The following FOXP1 variants were observed in gnomAD, a reference collection of about 807,000 sequenced individuals.
The protein encoded by FOXP1 is forkhead box P1, also known as forkhead box protein P1.
FOXP1 carries 15 observed loss-of-function variants against 98.2 expected under a neutral mutation model. That is an observed-to-expected ratio of 0.15 (90% confidence interval 0.10 to 0.24). The LOEUF (loss-of-function observed/expected upper bound fraction) is 0.24. Ranked by LOEUF, FOXP1 falls within the 10% of genes least tolerant of loss-of-function variation. The pLI is 1.00. For synonymous variants in FOXP1, 371 were observed against 314.5 expected (o/e 1.18, Z -1.90); for missense variants, 633 against 848.5 (o/e 0.75, Z 3.15).
At chr3:71,195,470 G>A (rs2063240198) in intron 6 of FOXP1, among the ~76,000 whole-genome samples, 1 of 152,148 alleles carries the variant, frequency 6.6e-6, no homozygotes. Context: ...ATAACACACA[G>A]CGTAATTAAC....
chr3:71,280,221 G>A (rs1348048979), intron 5 of FOXP1, among the ~76,000 whole-genome samples: 2 of 150,646 alleles, frequency 1.3e-5, no homozygotes, highest in Non-Finnish European at 2.9e-5. Flanking sequence ...TGAAGTGAAT[G>A]AATCAATTTT....
intron 11 of FOXP1, among the ~76,000 whole-genome samples, chr3:71,036,780 TA>T (rs2047656094): frequency 6.6e-6 from 1 of 152,224 alleles, no homozygotes; most frequent in South Asian, 2.1e-4. Flanking sequence ...AAAGGCCTGG[TA>T]AATATGAATA....
At chr3:71,001,381 G>A (rs1411890619) in intron 12 of FOXP1, among the ~76,000 whole-genome samples, 1 of 152,198 alleles carries the variant, frequency 6.6e-6, no homozygotes, top group African/African-American at 2.4e-5. Flanking sequence ...ATCAGAGACA[G>A]GGCCTGCTAG....
rs868613840 is a variant in FOXP1, at chr3:71,479,709, G to C, written c.-168+13717C>G. 1.4e-4 allele frequency among the ~76,000 whole-genome samples: 20 copies of C among 145,910 alleles called. No homozygotes were observed. The Middle Eastern group carries it at 0.025, about 181-fold the overall frequency. ...AAAAAAAAAAGAAAAGAAAAGAAAA[G>C]AAAAAAAAAGATAAAGCAAAAGACC... On this transcript the variant is annotated intron_variant, in intron 3 of 20. Coordinates refer to ENST00000649528, the MANE Select transcript of FOXP1 (RefSeq NM_001349338.3).
intron 4 of FOXP1, among the ~76,000 whole-genome samples, chr3:71,304,183 C>T (rs933981851): frequency 2.0e-5 from 3 of 152,160 alleles, no homozygotes; most frequent in African/African-American, 4.8e-5. Flanking sequence ...AAACCCCAGT[C>T]GATGCTTGCC....
At chr3:70,971,304 A>G (rs2036183608) in intron 18 of FOXP1, 1 of 189,066 alleles carries the variant, frequency 5.3e-6, no homozygotes, top group South Asian at 1.1e-4. Flanking sequence ...TATTGCCAAC[A>G]GGCGATGGAG....
At chr3:71,195,159 G>A (rs889312228) in intron 6 of FOXP1, among the ~76,000 whole-genome samples, 1 of 152,134 alleles carries the variant, frequency 6.6e-6, no homozygotes, top group Non-Finnish European at 1.5e-5. Context: ...AGCCAGATTT[G>A]CCCCATTTCT....
chr3:71,236,039 TAATC>T (rs1371625802), intron 5 of FOXP1, among the ~76,000 whole-genome samples: 20 of 152,136 alleles, frequency 1.3e-4, no homozygotes, highest in Non-Finnish European at 2.9e-4. Context: ...TTCTTGCAAA[TAATC>T]AAAGCCCAGG....
chr3:71,472,376 G>C (rs895580170), intron 3 of FOXP1, among the ~76,000 whole-genome samples: 4 of 151,192 alleles, frequency 2.6e-5, no homozygotes, highest in African/African-American at 9.7e-5. Flanking sequence ...ACCAAAAAAT[G>C]AAAAATCTTA....
chr3:71,321,255 G>A (rs1474676033), intron 4 of FOXP1, among the ~76,000 whole-genome samples: 2 of 152,126 alleles, frequency 1.3e-5, no homozygotes, highest in South Asian at 2.1e-4. Context: ...ATGATATCAC[G>A]CTTCCCACTT....
At chr3:71,314,022 C>T (rs1179628816) in intron 4 of FOXP1, among the ~76,000 whole-genome samples, 28 of 152,162 alleles carry the variant, frequency 1.8e-4, no homozygotes, top group Non-Finnish European at 1.2e-4. Flanking sequence ...CTCTGTCCCT[C>T]AGTGTTCTCA....
chr3:71,125,758 A>G (rs1460699755), intron 6 of FOXP1, among the ~76,000 whole-genome samples: 1 of 152,230 alleles, frequency 6.6e-6, no homozygotes, highest in Non-Finnish European at 1.5e-5. Flanking sequence ...ACCCTGAGAG[A>G]ATAACAGAAA....
chr3:71,150,367 A>G (rs770048617), intron 6 of FOXP1, among the ~76,000 whole-genome samples: 38 of 152,356 alleles, frequency 2.5e-4, no homozygotes, highest in Non-Finnish European at 4.4e-4. Flanking sequence ...ATATGCATTT[A>G]GAAAGGCAGT....
intron 13 of FOXP1, among the ~76,000 whole-genome samples, chr3:70,989,628 TACTC>T (rs1312337459): frequency 6.6e-6 from 1 of 152,194 alleles, no homozygotes; most frequent in Non-Finnish European, 1.5e-5. Context: ...TGATGTCAAA[TACTC>T]AGACTTTTTA....
At chr3:71,395,272 G>A (rs1298490827) in intron 3 of FOXP1, among the ~76,000 whole-genome samples, 1 of 150,518 alleles carries the variant, frequency 6.6e-6, no homozygotes, top group African/African-American at 2.5e-5. Context: ...AATAAAGCTC[G>A]GCGTCTTGCG....
intron 7 of FOXP1, among the ~76,000 whole-genome samples, chr3:71,111,460 C>T (rs1008953201): frequency 5.3e-5 from 8 of 152,118 alleles, no homozygotes; most frequent in South Asian, 2.1e-4. Context: ...CACAGTGGTG[C>T]GAGCTTGGCT....
chr3:71,316,184 A>C (rs1178246131), intron 4 of FOXP1, among the ~76,000 whole-genome samples: 1 of 152,204 alleles, frequency 6.6e-6, no homozygotes, highest in South Asian at 2.1e-4. Flanking sequence ...TAATTGCTAC[A>C]GACGGGTCGC....
intron 3 of FOXP1, among the ~76,000 whole-genome samples, chr3:71,438,639 C>G (rs957084487): frequency 6.6e-6 from 1 of 152,012 alleles, no homozygotes; most frequent in African/African-American, 2.4e-5. Flanking sequence ...ATTTATACCC[C>G]CCAGCAGTTG....
chr3:71,191,940 G>C (rs1029804672), intron 6 of FOXP1, among the ~76,000 whole-genome samples: 2 of 152,190 alleles, frequency 1.3e-5, no homozygotes, highest in African/African-American at 4.8e-5. Flanking sequence ...TTCAATAAAA[G>C]TGTATCTCAG....
Sources: allele counts gnomAD v4.1 joint callset (sites outside exome capture counted in the v4.1 genomes callset), GRCh38; gene constraint gnomAD v4.1.1; transcripts MANE v1.5; gene names NCBI Gene and HGNC (gene_info 2026-07-23, HGNC 2026-07-21).